The following SLC39A9 variants were observed in gnomAD, a reference collection of about 807,000 sequenced individuals.
The protein encoded by SLC39A9 is zinc transporter ZIP9.
A neutral mutation model predicts 28.4 loss-of-function variants in SLC39A9; 14 were observed. The ratio of observed to expected loss-of-function variants is 0.49; its 90% CI spans 0.33 to 0.77. SLC39A9 has a LOEUF of 0.77. Among genes scored for constraint, SLC39A9 ranks in the 30% least tolerant of loss-of-function variants. The pLI is 0.02. For missense variants in SLC39A9, 283 were observed against 381.1 expected (o/e 0.74, Z 2.14); for synonymous variants, 119 against 149.6 (o/e 0.80, Z 1.49).
chr14:69,421,254 C>T (rs900232080), intron 1 of SLC39A9, among the ~76,000 whole-genome samples: 1 of 152,214 alleles, frequency 6.6e-6, no homozygotes, highest in African/African-American at 2.4e-5. Flanking sequence ...ACAGTCAGGT[C>T]CCTCAGCTGC....
rs1886122782 is a variant in SLC39A9, at chr14:69,461,788, G to A, written c.*3195G>A. Reference sequence around the variant, plus strand: ...GACTGAACACAGGAACCGTATGACAGCAGCACAAACCCCCAAAGGATGTTC... The same window carrying A: ...GACTGAACACAGGAACCGTATGACAACAGCACAAACCCCCAAAGGATGTTC... On this transcript the variant is annotated 3_prime_UTR_variant, in exon 7 of 7. Transcript: ENST00000336643. The A allele has an allele frequency of 6.6e-6, 10 of 1,519,180 alleles. No homozygotes were observed. The highest frequency in any genetic ancestry group is 7.9e-6 in the Non-Finnish European group (9 of 1,135,462). The allele number at this position is 1,519,180 out of a possible 1,614,324, so 94.1% of individuals were successfully genotyped here.
At chr14:69,440,492 G>A (rs1884992085) in intron 2 of SLC39A9, among the ~76,000 whole-genome samples, 1 of 152,082 alleles carries the variant, frequency 6.6e-6, no homozygotes. Context: ...GACTGAGGTA[G>A]GAGGATGACT....
At chr14:69,404,099 C>G (rs149844886) in intron 1 of SLC39A9, among the ~76,000 whole-genome samples, 102 of 152,240 alleles carry the variant, frequency 6.7e-4, no homozygotes, top group African/African-American at 2.5e-3. Flanking sequence ...GTGGCACACA[C>G]TGGTTAGTCC....
At chr14:69,454,584 G>A (rs1458799361) in intron 4 of SLC39A9, 2 of 379,650 alleles carry the variant, frequency 5.3e-6, no homozygotes, top group East Asian at 3.9e-5. Flanking sequence ...AATACTCTGG[G>A]CCAGATGCTA....
At chr14:69,413,815 C>T (rs1443340620) in intron 1 of SLC39A9, among the ~76,000 whole-genome samples, 1 of 152,092 alleles carries the variant, frequency 6.6e-6, no homozygotes, top group East Asian at 1.9e-4. Context: ...CCTGTAACCA[C>T]TAACTAGCTT....
intron 1 of SLC39A9, among the ~76,000 whole-genome samples, chr14:69,409,708 A>T (rs1185826076): frequency 6.6e-6 from 1 of 152,144 alleles, no homozygotes; most frequent in Admixed American, 6.6e-5. Flanking sequence ...TGCATTTAAT[A>T]TGTTTTTACA....
In SLC39A9 at chr14:69,460,599, T is replaced by A; in HGVS notation, c.*2006T>A. 1.0e-6 allele frequency: 1 copy of A among 985,444 alleles called. No homozygotes were observed. Among genetic ancestry groups the A allele is most frequent in the Non-Finnish European group, 1.2e-6 (1 of 829,930 alleles). The allele number at this position is 985,444 out of a possible 1,614,324, so 61.0% of individuals were successfully genotyped here. On this transcript the variant is annotated 3_prime_UTR_variant, in exon 7 of 7. Coordinates refer to ENST00000336643, the MANE Select transcript of SLC39A9 (RefSeq NM_018375.5). ...CTTTCTATCATATTGTTGTGTGCAA[T>A]GGTAATTTGTTCTACTGGCCAAAGC... is the stretch of plus-strand genomic sequence containing the variant.
chr14:69,450,052 G>T (rs1335622256), intron 3 of SLC39A9, among the ~76,000 whole-genome samples: 1 of 152,120 alleles, frequency 6.6e-6, no homozygotes, highest in Non-Finnish European at 1.5e-5. Flanking sequence ...GCTGGGCGCA[G>T]TGGCGGGCAC....
intron 2 of SLC39A9, among the ~76,000 whole-genome samples, chr14:69,430,809 G>C (rs1165301908): frequency 6.6e-6 from 1 of 151,662 alleles, no homozygotes; most frequent in Non-Finnish European, 1.5e-5. Flanking sequence ...TATTTAAACT[G>C]TTTATATAGA....
At chr14:69,423,943 C>G (rs1232212842) in intron 1 of SLC39A9, 151 bp from the exon 2 acceptor site, 8 of 519,656 alleles carry the variant, frequency 1.5e-5, no homozygotes, top group Non-Finnish European at 2.8e-5. Flanking sequence ...CTTGGCATTA[C>G]TCATGCAATT....
chr14:69,399,250 C>T lies in SLC39A9; in HGVS notation c.-120C>T. The stretch of plus-strand genomic sequence containing the variant: ...TGAACACATCTGCTGGTGGGAAGGC[C>T]TAAAGAACTGGAAAGCCCACTCTCT... On this transcript the variant is annotated 5_prime_UTR_variant, in exon 1 of 7. Coordinates refer to ENST00000336643, the MANE Select transcript of SLC39A9 (RefSeq NM_018375.5). 3 of 831,602 alleles carry T rather than the reference C, an allele frequency of 3.6e-6. No homozygotes were observed. The South Asian group carries it at 4.6e-5, about 13-fold the overall frequency. The allele number at this position is 831,602 out of a possible 1,614,324, so 51.5% of individuals were successfully genotyped here.
At chr14:69,446,995 A>G (rs1329394701) in intron 3 of SLC39A9, among the ~76,000 whole-genome samples, 2 of 151,000 alleles carry the variant, frequency 1.3e-5, no homozygotes, top group Non-Finnish European at 3.0e-5. Flanking sequence ...GCACTTGCTT[A>G]TAGTAGAATG....
intron 3 of SLC39A9, among the ~76,000 whole-genome samples, chr14:69,444,741 A>G (rs1885213601): frequency 6.6e-6 from 1 of 152,230 alleles, no homozygotes; most frequent in Non-Finnish European, 1.5e-5. Context: ...TTAAATGTTC[A>G]GTCATGGAGA....
At chr14:69,422,902 T>G (rs1321029280) in intron 1 of SLC39A9, among the ~76,000 whole-genome samples, 1 of 152,220 alleles carries the variant, frequency 6.6e-6, no homozygotes, top group Non-Finnish European at 1.5e-5. Context: ...GGTATACTGC[T>G]GCTTCAAGAA....
intron 1 of SLC39A9, among the ~76,000 whole-genome samples, chr14:69,402,364 T>C (rs1882686615): frequency 6.6e-6 from 1 of 152,220 alleles, no homozygotes; most frequent in African/African-American, 2.4e-5. Flanking sequence ...CATGAAAAGA[T>C]ATGCTTTTTA....
At chr14:69,414,242 T>G (rs1270998458) in intron 1 of SLC39A9, among the ~76,000 whole-genome samples, 1 of 152,174 alleles carries the variant, frequency 6.6e-6, no homozygotes, top group Non-Finnish European at 1.5e-5. Context: ...GAGACAGGGT[T>G]TCGCCATGCT....
intron 3 of SLC39A9, 41 bp from the exon 4 acceptor site, chr14:69,453,200 T>C: frequency 6.4e-7 from 1 of 1,556,734 alleles, no homozygotes; most frequent in South Asian, 1.1e-5. Context: ...ACAGTTTCTG[T>C]CTCACATAGC....
intron 3 of SLC39A9, among the ~76,000 whole-genome samples, chr14:69,450,962 A>T (rs555229138): frequency 8.5e-5 from 13 of 152,326 alleles, no homozygotes; most frequent in African/African-American, 3.1e-4. Flanking sequence ...TAAAATGTCA[A>T]TAAAATGTAT....
At chr14:69,434,086 T>C (rs1350275908) in intron 2 of SLC39A9, among the ~76,000 whole-genome samples, 1 of 146,058 alleles carries the variant, frequency 6.8e-6, no homozygotes, top group South Asian at 2.2e-4. Flanking sequence ...TTCTTTTCTT[T>C]TTTTTTTTTT....
Sources: gnomAD v4.1 joint callset for allele counts (sites outside exome capture counted in the v4.1 genomes callset) on GRCh38, gnomAD v4.1.1 for gene constraint, MANE v1.5 for transcripts, NCBI Gene and HGNC (gene_info 2026-07-23, HGNC 2026-07-21) for gene names.